GABRB3: variants seen among roughly 807,000 people sequenced by gnomAD.
GABRB3 encodes gamma-aminobutyric acid type A receptor subunit beta3, also known as gamma-aminobutyric acid receptor subunit beta-3.
Under a neutral mutation model 52.1 loss-of-function variants are expected in GABRB3, and 14 were observed. That is an observed-to-expected ratio of 0.27 (90% CI 0.18 to 0.42). The LOEUF (loss-of-function observed/expected upper bound fraction) is 0.42, where lower values mean the gene tolerates loss of function less well. Among genes scored for constraint, GABRB3 ranks in the 10% least tolerant of loss-of-function variants. The probability of loss-of-function intolerance (pLI) is 1.00; values close to 1 mark genes in which losing one functional copy is unlikely to be tolerated. For missense variants in GABRB3, 307 were observed against 609.1 expected, an observed-to-expected ratio of 0.50 and a Z score of 5.22; for synonymous variants, 260 against 232.3, an observed-to-expected ratio of 1.12 and a Z score of -1.08.
At chr15:26,570,382 T>C (rs1890349527) in intron 6 of GABRB3, among the ~76,000 whole-genome samples, 1 of 152,242 alleles carries the variant, frequency 6.6e-6, no homozygotes, top group Admixed American at 6.5e-5. Context: ...CTGCGCACCA[T>C]GCACGGGGGC....
chr15:26,663,934 T>A (rs796969781), intron 3 of GABRB3, among the ~76,000 whole-genome samples: 8 of 152,368 alleles, frequency 5.3e-5, no homozygotes, highest in African/African-American at 1.9e-4. Context: ...AAGTCATACA[T>A]CAGAGCCTAC....
chr15:26,544,575 C>T lies in GABRB3; in HGVS notation c.*3218G>A, dbSNP rs1288512650. 2 of 152,148 alleles carry T rather than the reference C, an allele frequency of 1.3e-5. No individual in the cohort carries two copies. The highest frequency in any genetic ancestry group is 3.9e-4 in the East Asian group (2 of 5,184). 9.4% of individuals were successfully genotyped at this position (152,148 alleles called of 1,614,324 possible). A position where few individuals can be genotyped will look rare whatever the true frequency, so the allele number is the denominator to read the frequency against. ...TGTCGCATGGTATAGACAGTGAAAC[C>T]CCTCCACAGTCCCGGGGTTGGTGAA... On this transcript the variant is annotated 3_prime_UTR_variant, in exon 9 of 9. Transcript: ENST00000311550.
intron 3 of GABRB3, among the ~76,000 whole-genome samples, chr15:26,664,760 A>G (rs1887658318): frequency 7.4e-6 from 1 of 134,944 alleles, no homozygotes; most frequent in South Asian, 2.3e-4. Flanking sequence ...GCTGGAGTGC[A>G]ATGGTACAAT....
chr15:26,565,053 C>T (rs937005190), intron 7 of GABRB3, among the ~76,000 whole-genome samples: 1 of 152,184 alleles, frequency 6.6e-6, no homozygotes, highest in Non-Finnish European at 1.5e-5. Context: ...AATAATACTT[C>T]GTACTGTGCT....
intron 3 of GABRB3, among the ~76,000 whole-genome samples, chr15:26,684,020 A>C (rs1224093973): frequency 8.5e-6 from 1 of 117,742 alleles, no homozygotes; most frequent in Non-Finnish European, 1.8e-5. Flanking sequence ...GAAAAACCAC[A>C]GAAGAAGTTT....
At chr15:26,752,851 C>A (rs1458272969) in intron 3 of GABRB3, among the ~76,000 whole-genome samples, 3 of 152,114 alleles carry the variant, frequency 2.0e-5, no homozygotes, top group Non-Finnish European at 2.9e-5. Flanking sequence ...CACGCCAGGA[C>A]AACATCTGGC....
intron 3 of GABRB3, among the ~76,000 whole-genome samples, chr15:26,714,355 T>C (rs914100801): frequency 1.3e-5 from 2 of 152,178 alleles, no homozygotes; most frequent in Admixed American, 6.5e-5. Context: ...TTTGCCAGGG[T>C]TGAGGCTGCA....
chr15:26,726,786 C>G (rs575928650), intron 3 of GABRB3, among the ~76,000 whole-genome samples: 1 of 152,144 alleles, frequency 6.6e-6, no homozygotes, highest in Non-Finnish European at 1.5e-5. Flanking sequence ...ACTGTAAAGT[C>G]ACTGTTTTGC....
At chr15:26,697,656 T>C (rs1476692532) in intron 3 of GABRB3, among the ~76,000 whole-genome samples, 1 of 152,154 alleles carries the variant, frequency 6.6e-6, no homozygotes, top group African/African-American at 2.4e-5. Flanking sequence ...AGAGAGAGTG[T>C]GCAAAAAGTC....
At chr15:26,657,755 A>G (rs757670577) in intron 3 of GABRB3, among the ~76,000 whole-genome samples, 23 of 152,322 alleles carry the variant, frequency 1.5e-4, no homozygotes, top group Middle Eastern at 6.8e-3. Flanking sequence ...AAATTATGAC[A>G]GTGAAAGAAA....
chr15:26,590,125 ACCTGCAGAATTCAAT>A (rs966882826), intron 4 of GABRB3: 56 of 152,162 alleles, frequency 3.7e-4, no homozygotes, highest in African/African-American at 1.2e-3. Flanking sequence ...TTCAATTCTT[ACCTGCAGAATTCAAT>A]CCTGCAGAAT....
chr15:26,549,671 C>T (rs1006175091), intron 8 of GABRB3, among the ~76,000 whole-genome samples: 2 of 152,078 alleles, frequency 1.3e-5, no homozygotes, highest in African/African-American at 2.4e-5. Flanking sequence ...ATGAGTGGAA[C>T]CTAAGTGCTC....
At chr15:26,645,346 T>C (rs987410652) in intron 3 of GABRB3, among the ~76,000 whole-genome samples, 4 of 152,212 alleles carry the variant, frequency 2.6e-5, no homozygotes, top group Non-Finnish European at 5.9e-5. Flanking sequence ...TATCCAAAGA[T>C]AGTGACTTGT....
intron 6 of GABRB3, among the ~76,000 whole-genome samples, chr15:26,571,212 C>G (rs1890381809): frequency 3.1e-5 from 1 of 31,982 alleles, no homozygotes; most frequent in Non-Finnish European, 8.3e-5. Context: ...CTATAATCCA[C>G]CATACATGGA....
intron 3 of GABRB3, among the ~76,000 whole-genome samples, chr15:26,638,182 G>C (rs1311304913): frequency 1.3e-5 from 2 of 152,118 alleles, no homozygotes; most frequent in East Asian, 3.9e-4. Context: ...TTCTGAACCT[G>C]GTCCAAGCCT....
chr15:26,567,480 G>A lies in GABRB3; in HGVS notation c.835+101C>T, dbSNP rs895228056. The A allele has an allele frequency of 1.2e-5, 13 of 1,118,074 alleles. No homozygotes were observed. The African/African-American group carries it at 1.6e-4, about 13-fold the overall frequency. The allele number at this position is 1,118,074 out of a possible 1,614,324, so 69.3% of individuals were successfully genotyped here. A position where few individuals can be genotyped will look rare whatever the true frequency, so the allele number is the denominator to read the frequency against. On this transcript the variant is annotated intron_variant, in intron 7 of 8. Coordinates refer to ENST00000311550, the MANE Select transcript of GABRB3 (RefSeq NM_000814.6). Reference sequence around the variant, plus strand: ...ACTATACAGGCAATGCTTGTGTCACGCTGTCAAAAAATGGTAGTTGAACTA... The same window carrying A: ...ACTATACAGGCAATGCTTGTGTCACACTGTCAAAAAATGGTAGTTGAACTA...
chr15:26,609,598 T>C (rs555196124), intron 4 of GABRB3, among the ~76,000 whole-genome samples: 2 of 152,266 alleles, frequency 1.3e-5, no homozygotes, highest in African/African-American at 2.4e-5. Flanking sequence ...CATGTCTACA[T>C]TGTGTGGTTA....
chr15:26,636,624 TA>T (rs969382245), intron 3 of GABRB3, among the ~76,000 whole-genome samples: 1 of 152,244 alleles, frequency 6.6e-6, no homozygotes, highest in Non-Finnish European at 1.5e-5. Context: ...TTAGAATTCC[TA>T]AATGTTGTCT....
intron 4 of GABRB3, chr15:26,615,216 G>T: frequency 1.1e-6 from 1 of 890,988 alleles, no homozygotes. Flanking sequence ...AGCTGTGACT[G>T]GGACAGGACA....
Sources: gnomAD v4.1 joint callset for allele counts (sites outside exome capture counted in the v4.1 genomes callset) on GRCh38, gnomAD v4.1.1 for gene constraint, MANE v1.5 for transcripts, NCBI Gene and HGNC (gene_info 2026-07-23, HGNC 2026-07-21) for gene names.